UBR3: variants seen among roughly 807,000 people sequenced by gnomAD.
UBR3 encodes E3 ubiquitin-protein ligase UBR3.
Under a neutral mutation model 243.2 loss-of-function variants are expected in UBR3, and 85 were observed. That is an observed-to-expected ratio of 0.35 (90% confidence interval 0.29 to 0.42). UBR3 has a LOEUF of 0.42. Among genes scored for constraint, UBR3 ranks in the 10% least tolerant of loss-of-function variants. The probability of loss-of-function intolerance (pLI) is 1.00; values close to 1 mark genes in which losing one functional copy is unlikely to be tolerated. For synonymous variants in UBR3, 748 were observed against 799.8 expected (o/e 0.94, Z 1.09); for missense variants, 1,686 against 2,300.8 (o/e 0.73, Z 5.47).
chr2:169,856,396 C>G (rs1030639525), intron 1 of UBR3, among the ~76,000 whole-genome samples: 1 of 152,034 alleles, frequency 6.6e-6, no homozygotes, highest in African/African-American at 2.4e-5. Context: ...CGATGGGCGG[C>G]TGCGCAGAGA....
In UBR3 at chr2:169,895,287, C is replaced by T. The variant is rs2084537190; in HGVS notation, c.1212C>T (p.Asn404=). 1 of 1,544,688 alleles carries T rather than the reference C, an allele frequency of 6.5e-7. No homozygotes were observed. Among genetic ancestry groups the T allele is most frequent in the African/African-American group, 1.4e-5 (1 of 72,514 alleles). ...AAAAGATGGTAACTTTCTTACTCAA[C>T]ATGCTTCCAGATCAAGAGTATAAGG... The part of the protein sequence containing the change: ...FPQKMVTFLL[N]MLPDQEYKVA... Residue 404 remains asparagine, a synonymous_variant, in exon 7 of 39, where the codon AAC becomes AAT. Transcript: ENST00000272793.
chr2:169,844,853 TTTG>T (rs201141735), intron 1 of UBR3, among the ~76,000 whole-genome samples: 2,837 of 152,244 alleles, frequency 0.019, 58 homozygotes, highest in East Asian at 0.038. Context: ...TTACTGATTT[TTTG>T]TTGTTGTTGT....
At chr2:170,067,052 C>T (rs563746340) in intron 35 of UBR3, among the ~76,000 whole-genome samples, 8 of 151,400 alleles carry the variant, frequency 5.3e-5, no homozygotes, top group African/African-American at 1.4e-4. Flanking sequence ...AGGAAGCAGG[C>T]GCACAGAGAT....
rs145054476 is a variant in UBR3, at chr2:169,841,193, A to G, written c.545+13141A>G. ...ATCTTTACATTCTATGTCTTTTTTG[A>G]TTATAAATTTCATCTTCACCTCATT... On this transcript the variant is annotated intron_variant, in intron 1 of 38. Transcript: ENST00000272793. 1.6e-4 allele frequency among the ~76,000 whole-genome samples: 25 copies of G among 151,916 alleles called. No homozygotes were observed. The East Asian group carries it at 4.6e-3, about 28-fold the overall frequency.
At chr2:169,987,265 C>G (rs77978944) in intron 25 of UBR3, among the ~76,000 whole-genome samples, 3,322 of 151,584 alleles carry the variant, frequency 0.022, 114 homozygotes, top group African/African-American at 0.076. Context: ...TGGTGGAGGG[C>G]GCCTGTAATC....
intron 36 of UBR3, among the ~76,000 whole-genome samples, chr2:170,074,284 T>C (rs1427486795): frequency 2.0e-5 from 3 of 152,208 alleles, no homozygotes; most frequent in African/African-American, 7.2e-5. Context: ...AAGTAACTAA[T>C]GTAAGAGACA....
intron 26 of UBR3, among the ~76,000 whole-genome samples, chr2:169,995,082 A>T (rs1206498418): frequency 6.6e-6 from 1 of 152,170 alleles, no homozygotes; most frequent in Admixed American, 6.5e-5. Context: ...ATGAAAACAT[A>T]TTAATTTTTT....
Position 170,007,190 on chromosome 2 carries a change from A to G in UBR3, c.4230A>G (p.Pro1410=), listed in dbSNP as rs990433029. 15 of 1,587,888 alleles carry G rather than the reference A, an allele frequency of 9.4e-6. No homozygotes were observed. Among genetic ancestry groups the G allele is most frequent in the Non-Finnish European group, 1.3e-5 (15 of 1,166,066 alleles). ...EELQGRPGAF[P]SETNLSKEME... ...TGCAGGGACGACCGGGAGCTTTCCC[A>G]GTAAGCATCAGTGTAAGGCATAAAT... The change falls in exon 28 of 39, where the codon CCA becomes CCG. Residue 1410 remains proline, a splice_region_variant and synonymous_variant. Transcript: ENST00000272793.
intron 29 of UBR3, among the ~76,000 whole-genome samples, chr2:170,010,272 C>T (rs1236325886): frequency 6.6e-6 from 1 of 152,138 alleles, no homozygotes; most frequent in Non-Finnish European, 1.5e-5. Flanking sequence ...TTTTACAGAA[C>T]TTCCATATGA....
intron 1 of UBR3, among the ~76,000 whole-genome samples, chr2:169,852,850 CAAAAAAAAAAAAAAA>C (rs869283640): frequency 2.1e-5 from 1 of 48,284 alleles, no homozygotes; most frequent in East Asian, 7.8e-4. Context: ...GACTTCATCT[CAAAAAAAAAAAAAAA>C]AAAAAAAAAA....
rs1489798578 is a variant in UBR3 at position 169,828,156 on chromosome 2, G to A, written c.545+104G>A. 6 of 1,281,598 alleles carry A rather than the reference G, an allele frequency of 4.7e-6. No homozygotes were observed. In the African/African-American group the frequency reaches 9.3e-5, roughly 20 times the overall value. 79.4% of individuals were successfully genotyped at this position (1,281,598 alleles called of 1,614,324 possible). On this transcript the variant is annotated intron_variant, in intron 1 of 38. Coordinates refer to ENST00000272793, the MANE Select transcript of UBR3 (RefSeq NM_172070.4). ...GCCCACTCTGAGCTGTCAAGGGGAG[G>A]GTGCGGGGGAGGGTGCAGCCACAGG...
intron 6 of UBR3, among the ~76,000 whole-genome samples, chr2:169,893,430 C>T (rs2084450681): frequency 6.6e-6 from 1 of 152,172 alleles, no homozygotes; most frequent in African/African-American, 2.4e-5. Context: ...TTTTATTCAG[C>T]TTTGTAAATA....
intron 30 of UBR3, among the ~76,000 whole-genome samples, chr2:170,021,826 A>G (rs1015638704): frequency 2.0e-5 from 3 of 152,150 alleles, no homozygotes; most frequent in African/African-American, 4.8e-5. Context: ...GCCTTTCTGA[A>G]AGTGCCATGA....
At chr2:169,890,553 A>ATGTGTGTG (rs1279934080) in intron 5 of UBR3, among the ~76,000 whole-genome samples, 5 of 96,418 alleles carry the variant, frequency 5.2e-5, no homozygotes, top group African/African-American at 2.1e-4. Flanking sequence ...ATATATATAT[A>ATGTGTGTG]TATATATATA....
chr2:169,841,502 C>T (rs2082286977), intron 1 of UBR3, among the ~76,000 whole-genome samples: 1 of 152,200 alleles, frequency 6.6e-6, no homozygotes, highest in Non-Finnish European at 1.5e-5. Flanking sequence ...AGGCTGGAGC[C>T]CACTTCCTCA....
intron 23 of UBR3, among the ~76,000 whole-genome samples, chr2:169,957,442 C>T (rs1374088740): frequency 6.6e-6 from 1 of 151,946 alleles, no homozygotes; most frequent in Non-Finnish European, 1.5e-5. Context: ...AACCGTCATT[C>T]TGACCAAACT....
At chr2:170,028,258 A>G (rs17634181) in intron 30 of UBR3, among the ~76,000 whole-genome samples, 3,678 of 151,966 alleles carry the variant, frequency 0.024, 58 homozygotes, top group Non-Finnish European at 0.037. Flanking sequence ...TACTATACAC[A>G]TACACGCATG....
chr2:169,887,054 G>C (rs2084128623), intron 5 of UBR3, among the ~76,000 whole-genome samples: 1 of 152,068 alleles, frequency 6.6e-6, no homozygotes, highest in Admixed American at 6.6e-5. Context: ...GATGAAAACT[G>C]TCTAGAAAAT....
intron 17 of UBR3, 67 bp downstream of exon 17, chr2:169,927,472 A>C: frequency 8.3e-7 from 1 of 1,204,058 alleles, no homozygotes; most frequent in Middle Eastern, 2.0e-4. Flanking sequence ...TATGATTAAT[A>C]GTTTATCAAT....
Sources: allele counts gnomAD v4.1 joint callset (sites outside exome capture counted in the v4.1 genomes callset), GRCh38; gene constraint gnomAD v4.1.1; transcripts MANE v1.5; gene names NCBI Gene and HGNC (gene_info 2026-07-23, HGNC 2026-07-21).